BCL2: variants seen among roughly 807,000 people sequenced by gnomAD.
The protein encoded by BCL2 is BCL2 apoptosis regulator, also known as apoptosis regulator Bcl-2.
BCL2 carries 1 observed loss-of-function variant against 14.2 expected under a neutral mutation model. That is an observed-to-expected ratio of 0.07 (90% CI 0.02 to 0.33). BCL2 has a LOEUF of 0.33. Ranked by LOEUF, BCL2 falls within the 10% of genes least tolerant of loss-of-function variation. The pLI is 0.99. For synonymous variants in BCL2, 151 were observed against 137.2 expected (o/e 1.10, Z -0.70); for missense variants, 247 against 305.9 (o/e 0.81, Z 1.44).
At chr18:63,165,156 T>C (rs969456098) in intron 2 of BCL2, among the ~76,000 whole-genome samples, 2 of 152,232 alleles carry the variant, frequency 1.3e-5, no homozygotes, top group Non-Finnish European at 2.9e-5. Flanking sequence ...GCCTACCATG[T>C]GCCAGCCCCC....
chr18:63,213,729 T>G (rs1158295886), intron 2 of BCL2, among the ~76,000 whole-genome samples: 1 of 152,134 alleles, frequency 6.6e-6, no homozygotes, highest in Non-Finnish European at 1.5e-5. Flanking sequence ...ACCCCATTTG[T>G]TCTCCTGACA....
rs369568730 is a variant in BCL2, at chr18:63,203,216, C to T, written c.586-74457G>A. 3.3e-5 allele frequency among the ~76,000 whole-genome samples: 5 copies of T among 152,116 alleles called. No individual in the cohort carries two copies. The East Asian group carries it at 9.6e-4, about 29-fold the overall frequency. On this transcript the variant is annotated intron_variant, in intron 2 of 2. Coordinates refer to ENST00000333681, the MANE Select transcript of BCL2 (RefSeq NM_000633.3). ...ACCTTCTGCATCCATTGCGGGAGGG[C>T]CAGACAAGGTTTTATTTAAAAAAAC...
intron 2 of BCL2, 23 bp from the exon 3 acceptor site, chr18:63,128,782 A>C: frequency 2.6e-6 from 2 of 773,676 alleles, no homozygotes; most frequent in South Asian, 2.7e-5. Flanking sequence ...GAGAGGAGGG[A>C]AGAAAAAGAA....
chr18:63,252,658 CTT>C (rs1911350302), intron 2 of BCL2, among the ~76,000 whole-genome samples: 1 of 152,222 alleles, frequency 6.6e-6, no homozygotes, highest in African/African-American at 2.4e-5. Flanking sequence ...ATCCTCTCCT[CTT>C]GTCTGCCACG....
rs1913924959 is a variant in BCL2, at chr18:63,126,929, T to C, written c.*1696A>G. The C allele has an allele frequency of 4.4e-6, 1 of 226,958 alleles. No homozygotes were observed. Among genetic ancestry groups the C allele is most frequent in the Non-Finnish European group, 8.8e-6 (1 of 113,980 alleles). 14.1% of individuals were successfully genotyped at this position (226,958 alleles called of 1,614,324 possible). On this transcript the variant is annotated 3_prime_UTR_variant, in exon 3 of 3. Transcript: ENST00000333681. ...GCAATAATGCCACAGAGTTATTCCA[T>C]CAATGTTTCAAGGCTGATTCTAAAC...
intron 2 of BCL2, among the ~76,000 whole-genome samples, chr18:63,286,182 G>T (rs1295723731): frequency 6.6e-6 from 1 of 152,222 alleles, no homozygotes; most frequent in African/African-American, 2.4e-5. Flanking sequence ...ACATTAAAAT[G>T]AGAGCATAAT....
At chr18:63,192,408 G>A (rs544309781) in intron 2 of BCL2, among the ~76,000 whole-genome samples, 3 of 152,294 alleles carry the variant, frequency 2.0e-5, no homozygotes, top group South Asian at 4.1e-4. Context: ...TCAGTGCGAA[G>A]GCAGTGTAAG....
At chr18:63,169,404 T>TCC (rs1915167648) in intron 2 of BCL2, among the ~76,000 whole-genome samples, 1 of 109,654 alleles carries the variant, frequency 9.1e-6, no homozygotes, top group Non-Finnish European at 1.7e-5. Flanking sequence ...TTTCTTTCTT[T>TCC]TTCTTTCTCT....
intron 2 of BCL2, among the ~76,000 whole-genome samples, chr18:63,144,151 G>A (rs982494496): frequency 6.6e-6 from 1 of 152,140 alleles, no homozygotes; most frequent in Non-Finnish European, 1.5e-5. Context: ...TATAATTGGC[G>A]CTAACTTTGG....
intron 2 of BCL2, among the ~76,000 whole-genome samples, chr18:63,193,996 A>G (rs1217390348): frequency 1.3e-5 from 2 of 152,240 alleles, no homozygotes; most frequent in Non-Finnish European, 2.9e-5. Flanking sequence ...CATATGACAT[A>G]GTCACTGATA....
chr18:63,163,486 T>C (rs1914972847), intron 2 of BCL2, among the ~76,000 whole-genome samples: 1 of 152,204 alleles, frequency 6.6e-6, no homozygotes, highest in South Asian at 2.1e-4. Flanking sequence ...ACCTTTAGAT[T>C]GAAACAAATA....
At chr18:63,147,301 T>C (rs934899932) in intron 2 of BCL2, among the ~76,000 whole-genome samples, 3 of 152,212 alleles carry the variant, frequency 2.0e-5, no homozygotes, top group African/African-American at 7.2e-5. Context: ...ACATCACTTT[T>C]AGATTCTGGG....
chr18:63,218,436 G>A lies in BCL2; in HGVS notation c.586-89677C>T, dbSNP rs575766201. ...TTCTTCCCTTTCTTTTTTTTCTTTC[G>A]TTCCTTCCCTTTTTCTTTCAATTTA... On this transcript the variant is annotated intron_variant, in intron 2 of 2. Transcript: ENST00000333681. 1.3e-4 allele frequency among the ~76,000 whole-genome samples: 19 copies of A among 151,750 alleles called. No homozygotes were observed. In the South Asian group the frequency reaches 2.7e-3, roughly 22 times the overall value.
At chr18:63,231,545 AG>A (rs542586223) in intron 2 of BCL2, among the ~76,000 whole-genome samples, 78 of 152,246 alleles carry the variant, frequency 5.1e-4, no homozygotes, top group African/African-American at 1.7e-3. Context: ...CCATGGCATC[AG>A]TAACAACCAA....
chr18:63,158,080 G>C (rs1914828360), intron 2 of BCL2, among the ~76,000 whole-genome samples: 1 of 151,984 alleles, frequency 6.6e-6, no homozygotes, highest in African/African-American at 2.4e-5. Flanking sequence ...CACCTGGCCT[G>C]GAACCCTGGG....
chr18:63,187,080 G>A (rs1344411791), intron 2 of BCL2, among the ~76,000 whole-genome samples: 1 of 152,176 alleles, frequency 6.6e-6, no homozygotes, highest in Non-Finnish European at 1.5e-5. Flanking sequence ...TTTAAGAACA[G>A]GAAGTTATCG....
At chr18:63,243,903 C>T (rs980356016) in intron 2 of BCL2, among the ~76,000 whole-genome samples, 1 of 152,196 alleles carries the variant, frequency 6.6e-6, no homozygotes, top group African/African-American at 2.4e-5. Flanking sequence ...TTACTGAAAA[C>T]TTCTACTTGA....
chr18:63,271,350 G>C (rs1228622544), intron 2 of BCL2, among the ~76,000 whole-genome samples: 1 of 152,138 alleles, frequency 6.6e-6, no homozygotes, highest in African/African-American at 2.4e-5. Flanking sequence ...ATGACAAAGA[G>C]ACACGTGTTC....
intron 2 of BCL2, among the ~76,000 whole-genome samples, chr18:63,275,089 A>T (rs906606344): frequency 4.0e-5 from 6 of 151,708 alleles, no homozygotes; most frequent in African/African-American, 1.2e-4. Context: ...CTTTTATATA[A>T]AAAAAAATCA....
Sources: gnomAD v4.1 joint callset for allele counts (sites outside exome capture counted in the v4.1 genomes callset) on GRCh38, gnomAD v4.1.1 for gene constraint, MANE v1.5 for transcripts, NCBI Gene and HGNC (gene_info 2026-07-23, HGNC 2026-07-21) for gene names.